The following SNTB2 variants were observed in gnomAD, a reference collection of about 807,000 sequenced individuals.
SNTB2 encodes syntrophin beta 2.
Under a neutral mutation model 46.2 loss-of-function variants are expected in SNTB2, and 34 were observed. That is an observed-to-expected ratio of 0.74 (90% CI 0.56 to 0.98). The LOEUF (loss-of-function observed/expected upper bound fraction) is 0.98, where lower values mean the gene tolerates loss of function less well. Ranked by LOEUF, SNTB2 falls within the 50% of genes least tolerant of loss-of-function variation. SNTB2 has a pLI of 0.00. For synonymous variants in SNTB2, 290 were observed against 312.6 expected, an observed-to-expected ratio of 0.93 and a Z score of 0.76; for missense variants, 603 against 731.4, an observed-to-expected ratio of 0.82 and a Z score of 2.02.
intron 1 of SNTB2, among the ~76,000 whole-genome samples, chr16:69,204,423 CAAAAG>C (rs1421827503): frequency 3.3e-5 from 5 of 152,118 alleles, no homozygotes; most frequent in African/African-American, 9.7e-5. Flanking sequence ...TATTGCTCCT[CAAAAG>C]AAAAACATGT....
At chr16:69,227,499 A>AAT (rs1308511475) in intron 1 of SNTB2, among the ~76,000 whole-genome samples, 1 of 152,244 alleles carries the variant, frequency 6.6e-6, no homozygotes, top group Admixed American at 6.5e-5. Context: ...TTGCCTTATG[A>AAT]ATGTGCAAAA....
intron 1 of SNTB2, among the ~76,000 whole-genome samples, chr16:69,232,502 CTTTTTTTTT>C (rs1032986410): frequency 1.6e-5 from 1 of 63,860 alleles, no homozygotes; most frequent in Non-Finnish European, 3.0e-5. Flanking sequence ...ACGGTGCGGC[CTTTTTTTTT>C]TTTTTTTTTT....
chr16:69,279,067 T>C (rs1199978088), intron 4 of SNTB2, among the ~76,000 whole-genome samples: 1 of 152,198 alleles, frequency 6.6e-6, no homozygotes, highest in Non-Finnish European at 1.5e-5. Context: ...TATTTTTAAG[T>C]GTACAGTAGA....
intron 3 of SNTB2, among the ~76,000 whole-genome samples, chr16:69,269,612 T>C (rs1214431401): frequency 6.6e-6 from 1 of 152,236 alleles, no homozygotes; most frequent in Non-Finnish European, 1.5e-5. Flanking sequence ...TGTATGTATA[T>C]ATTGGGTTGC....
intron 6 of SNTB2, among the ~76,000 whole-genome samples, chr16:69,300,002 C>A (rs1965263672): frequency 6.6e-6 from 1 of 152,036 alleles, no homozygotes; most frequent in Admixed American, 6.6e-5. Context: ...AGTGATCCTC[C>A]CACCTCAGCC....
intron 5 of SNTB2, among the ~76,000 whole-genome samples, chr16:69,296,275 C>T (rs771807798): frequency 1.3e-5 from 2 of 151,502 alleles, no homozygotes; most frequent in African/African-American, 2.4e-5. Flanking sequence ...AGTGAAACTC[C>T]GTCTCAAAAA....
chr16:69,292,422 AT>A (rs1965179586), intron 5 of SNTB2, among the ~76,000 whole-genome samples: 2 of 5,592 alleles, frequency 3.6e-4, no homozygotes, highest in African/African-American at 1.5e-3. Context: ...TATATATTAT[AT>A]ATATATATAT....
At chr16:69,255,832 G>A (rs1226446151) in intron 2 of SNTB2, among the ~76,000 whole-genome samples, 3 of 147,942 alleles carry the variant, frequency 2.0e-5, no homozygotes, top group Non-Finnish European at 4.5e-5. Flanking sequence ...AGCTGAGACC[G>A]CGCCATTGCA....
chr16:69,292,375 TATA>T (rs1567416314), intron 5 of SNTB2, among the ~76,000 whole-genome samples: 2 of 41,026 alleles, frequency 4.9e-5, no homozygotes, highest in African/African-American at 1.1e-4. Context: ...TATATATATA[TATA>T]TTATATATAT....
chr16:69,278,460 T>C (rs1172867597), intron 4 of SNTB2, among the ~76,000 whole-genome samples: 1 of 149,950 alleles, frequency 6.7e-6, no homozygotes, highest in Non-Finnish European at 1.5e-5. Flanking sequence ...TTGTAGGGTT[T>C]TTTTTTTTTT....
At chr16:69,220,059 G>T (rs748125937) in intron 1 of SNTB2, among the ~76,000 whole-genome samples, 93 of 150,278 alleles carry the variant, frequency 6.2e-4, no homozygotes, top group Non-Finnish European at 1.1e-3. Flanking sequence ...TCCAGGTTTT[G>T]CATTTTTAAG....
intron 1 of SNTB2, among the ~76,000 whole-genome samples, chr16:69,244,873 T>C (rs1964654453): frequency 6.6e-6 from 1 of 152,238 alleles, no homozygotes; most frequent in Admixed American, 6.5e-5. Context: ...TTTGCCCTTG[T>C]GTCTTTACTG....
intron 1 of SNTB2, among the ~76,000 whole-genome samples, chr16:69,217,113 G>C (rs375109688): frequency 6.6e-6 from 1 of 152,082 alleles, no homozygotes; most frequent in African/African-American, 2.4e-5. Context: ...TTTACAGTAC[G>C]TTAACGGTAA....
chr16:69,211,655 G>T (rs1346569903), intron 1 of SNTB2, among the ~76,000 whole-genome samples: 2 of 152,086 alleles, frequency 1.3e-5, no homozygotes, highest in Non-Finnish European at 2.9e-5. Flanking sequence ...ATTAAAGCTA[G>T]GGCCAAATTT....
At chr16:69,274,521 C>T (rs951561171) in intron 4 of SNTB2, among the ~76,000 whole-genome samples, 4 of 151,778 alleles carry the variant, frequency 2.6e-5, no homozygotes, top group Admixed American at 1.3e-4. Context: ...GGTGTGGTGG[C>T]GGGCGCCTGT....
rs779289906 is a variant in SNTB2 at position 69,284,221 on chromosome 16, A to T, written c.1322A>T (p.Glu441Val). 66 of 1,612,656 alleles carry T rather than the reference A, an allele frequency of 4.1e-5. No individual in the cohort carries two copies. In the Admixed American group the frequency reaches 1.1e-3, roughly 27 times the overall value. ...ILVQGCHAAA[E>V]LIKEVSLGCM... ...GTTCAGGGTTGCCATGCTGCTGCTG[A>T]GCTGATCAAGGAAGTCTCTCTAGGT... is the stretch of plus-strand genomic sequence containing the variant. The change falls in exon 5 of 7, where the codon GAG (glutamate) becomes GTG (valine). Residue 441 changes from glutamate to valine, a missense_variant. Glu to Val is a moderately radical substitution (Grantham distance 121). Coordinates refer to ENST00000336278, the MANE Select transcript of SNTB2 (RefSeq NM_006750.4).
Position 69,223,254 on chromosome 16 carries a change from G to T in SNTB2, c.581-22348G>T, listed in dbSNP as rs1329814298. Among the ~76,000 whole-genome samples, 19 of 145,520 alleles carry T rather than the reference G, an allele frequency of 1.3e-4. 1 individual carries two copies. Among genetic ancestry groups the T allele is most frequent in the Admixed American group, 2.8e-4 (4 of 14,358 alleles). ...GTTGCCCAGGCTGGAGTGCAGTCGT[G>T]TGATCTTGGCTCACTGCAACCTCTG... On this transcript the variant is annotated intron_variant, in intron 1 of 6. Coordinates refer to ENST00000336278, the MANE Select transcript of SNTB2 (RefSeq NM_006750.4).
At chr16:69,187,806 ACTTTGTTCCTGCC>A in intron 1 of SNTB2, 60 bp downstream of exon 1, 3 of 1,299,478 alleles carry the variant, frequency 2.3e-6, no homozygotes, top group Non-Finnish European at 3.0e-6. Flanking sequence ...GCGGGAGCTC[ACTTTGTTCCTGCC>A]CCGCCGGCGG....
intron 1 of SNTB2, 27 bp downstream of exon 1, chr16:69,187,773 G>GGGGGGGGGCC: frequency 3.0e-6 from 1 of 331,856 alleles, no homozygotes. Flanking sequence ...GGGAGGGTGG[G>GGGGGGGGGCC]CAGGCCGCGG....
Sources: gnomAD v4.1 joint callset for allele counts (sites outside exome capture counted in the v4.1 genomes callset) on GRCh38, gnomAD v4.1.1 for gene constraint, MANE v1.5 for transcripts, NCBI Gene and HGNC (gene_info 2026-07-23, HGNC 2026-07-21) for gene names.